NELL1: variants seen among roughly 807,000 people sequenced by gnomAD.
NELL1 encodes neural EGFL like 1.
NELL1 carries 76 observed loss-of-function variants against 107.4 expected under a neutral mutation model. The ratio of observed to expected loss-of-function variants is 0.71; its 90% CI spans 0.59 to 0.86. NELL1 has a LOEUF of 0.86. NELL1 is among the 40% of genes least tolerant of loss of function. The probability of loss-of-function intolerance (pLI) is 0.00; values close to 1 mark genes in which losing one functional copy is unlikely to be tolerated. For missense variants in NELL1, 1,024 were observed against 1,005.5 expected, an observed-to-expected ratio of 1.02 and a Z score of -0.25; for synonymous variants, 353 against 341.2, an observed-to-expected ratio of 1.03 and a Z score of -0.38.
intron 15 of NELL1, among the ~76,000 whole-genome samples, chr11:21,488,560 A>G (rs1327924395): frequency 6.6e-6 from 1 of 152,172 alleles, no homozygotes; most frequent in Non-Finnish European, 1.5e-5. Context: ...CAGGTGGGCC[A>G]GTCTTCGGGT....
intron 13 of NELL1, among the ~76,000 whole-genome samples, chr11:21,214,277 G>T (rs1857566306): frequency 6.6e-6 from 1 of 152,086 alleles, no homozygotes; most frequent in South Asian, 2.1e-4. Flanking sequence ...TTGAATTTTG[G>T]AGCAATTCAG....
chr11:21,564,383 A>T (rs2134005963), intron 17 of NELL1, among the ~76,000 whole-genome samples: 1 of 152,072 alleles, frequency 6.6e-6, no homozygotes, highest in Admixed American at 6.6e-5. Context: ...TGGGCAAAAA[A>T]AAGCTCCTGA....
intron 12 of NELL1, among the ~76,000 whole-genome samples, chr11:21,039,330 C>A (rs958656526): frequency 1.3e-5 from 2 of 152,148 alleles, no homozygotes; most frequent in Middle Eastern, 3.4e-3. Flanking sequence ...GGATTACAAG[C>A]ATGTATCACA....
intron 14 of NELL1, among the ~76,000 whole-genome samples, chr11:21,329,225 C>T (rs975392378): frequency 2.6e-5 from 4 of 152,084 alleles, no homozygotes; most frequent in African/African-American, 9.7e-5. Flanking sequence ...AGGGCAGTTA[C>T]CCTCATGCTG....
chr11:21,573,465 C>G (rs1372499491), intron 19 of NELL1, 56 bp downstream of exon 19: 1 of 1,466,032 alleles, frequency 6.8e-7, no homozygotes, highest in Non-Finnish European at 9.5e-7. Flanking sequence ...AGAACACTTG[C>G]AGGAGGTCCA....
chr11:20,783,660 C>T lies in NELL1; in HGVS notation c.185-20C>T. 1 of 1,603,220 alleles carries T rather than the reference C, an allele frequency of 6.2e-7. No individual in the cohort carries two copies. Among genetic ancestry groups the T allele is most frequent in the Non-Finnish European group, 8.5e-7 (1 of 1,172,656 alleles). On this transcript the variant is annotated intron_variant, in intron 2 of 19. Coordinates refer to ENST00000357134, the MANE Select transcript of NELL1 (RefSeq NM_006157.5). Reference sequence around the variant, plus strand: ...TCTTCTCCTCTCCTGTTTCCTCCTGCTTTTCTTCTTGATTCCTAGACATAG... The same window carrying T: ...TCTTCTCCTCTCCTGTTTCCTCCTGTTTTTCTTCTTGATTCCTAGACATAG...
At chr11:21,069,723 A>T (rs1202178161) in intron 12 of NELL1, among the ~76,000 whole-genome samples, 1 of 152,118 alleles carries the variant, frequency 6.6e-6, no homozygotes, top group Non-Finnish European at 1.5e-5. Context: ...TCTTGACTGA[A>T]ATGATTGTGA....
At chr11:20,847,471 T>G in intron 3 of NELL1, 112 bp from the exon 4 acceptor site, 5 of 1,106,154 alleles carry the variant, frequency 4.5e-6, no homozygotes, top group South Asian at 1.7e-5. Context: ...CTTTGTGCCA[T>G]GTTTAGCTAA....
chr11:21,540,867 TA>T (rs1007920913), intron 16 of NELL1, among the ~76,000 whole-genome samples: 1 of 152,026 alleles, frequency 6.6e-6, no homozygotes, highest in African/African-American at 2.4e-5. Flanking sequence ...TGAAGTCATT[TA>T]AAAAAAGACT....
At chr11:21,213,489 A>G (rs1317473921) in intron 13 of NELL1, among the ~76,000 whole-genome samples, 2 of 152,044 alleles carry the variant, frequency 1.3e-5, no homozygotes, top group African/African-American at 4.8e-5. Context: ...GAATCGACTG[A>G]ATCAATTGAA....
intron 12 of NELL1, among the ~76,000 whole-genome samples, chr11:21,011,463 T>C (rs1852444966): frequency 6.6e-6 from 1 of 152,148 alleles, no homozygotes; most frequent in African/African-American, 2.4e-5. Flanking sequence ...ATACTGTACC[T>C]GAGTTTCCTA....
Position 21,220,653 on chromosome 11 carries a change from G to A in NELL1, c.1427-8679G>A, listed in dbSNP as rs190573960. Among the ~76,000 whole-genome samples, 70 of 151,828 alleles carry A rather than the reference G, an allele frequency of 4.6e-4. 1 individual carries two copies. In the South Asian group the frequency reaches 5.8e-3, roughly 13 times the overall value. On this transcript the variant is annotated intron_variant, in intron 13 of 19. Coordinates refer to ENST00000357134, the MANE Select transcript of NELL1 (RefSeq NM_006157.5). ...CTATTGTAAATGCATTTGCATTCTTGATTTCTTTTTCAGCTAGTTTGTTGC... is the reference window on the plus strand; with the variant it reads ...CTATTGTAAATGCATTTGCATTCTTAATTTCTTTTTCAGCTAGTTTGTTGC...
At chr11:21,161,659 C>T (rs1249358069) in intron 13 of NELL1, among the ~76,000 whole-genome samples, 4 of 152,020 alleles carry the variant, frequency 2.6e-5, no homozygotes, top group Non-Finnish European at 5.9e-5. Context: ...ATTTTATTAA[C>T]CAAATTTTTT....
intron 12 of NELL1, among the ~76,000 whole-genome samples, chr11:21,063,089 C>A (rs182629819): frequency 1.5e-5 from 1 of 65,214 alleles, no homozygotes; most frequent in Non-Finnish European, 3.4e-5. Context: ...CTCCAGTGAT[C>A]CCCCTGCCTC....
At chr11:20,777,879 T>G (rs1012737918) in intron 2 of NELL1, among the ~76,000 whole-genome samples, 3 of 152,194 alleles carry the variant, frequency 2.0e-5, no homozygotes, top group Admixed American at 6.5e-5. Context: ...TTGCTGATTC[T>G]TCGCTGTGAA....
At chr11:21,077,601 G>A (rs1393102099) in intron 12 of NELL1, among the ~76,000 whole-genome samples, 3 of 152,012 alleles carry the variant, frequency 2.0e-5, no homozygotes, top group African/African-American at 4.8e-5. Flanking sequence ...AAATTACCCT[G>A]GCGTGGTGGC....
intron 13 of NELL1, among the ~76,000 whole-genome samples, chr11:21,176,115 C>T (rs747493186): frequency 6.6e-5 from 10 of 151,734 alleles, no homozygotes; most frequent in African/African-American, 1.5e-4. Flanking sequence ...CTTCTTCATG[C>T]GTTGCTGTGA....
At chr11:21,063,211 A>C (rs879524072) in intron 12 of NELL1, among the ~76,000 whole-genome samples, 18 of 152,086 alleles carry the variant, frequency 1.2e-4, no homozygotes, top group Non-Finnish European at 2.1e-4. Context: ...ACAGAAGGTG[A>C]GTTCTGGGAG....
chr11:20,868,544 T>A (rs1313206006), intron 4 of NELL1, among the ~76,000 whole-genome samples: 1 of 152,180 alleles, frequency 6.6e-6, no homozygotes, highest in Non-Finnish European at 1.5e-5. Context: ...AATTTTTTGT[T>A]ATAAACATCA....
Sources: gnomAD v4.1 joint callset for allele counts (sites outside exome capture counted in the v4.1 genomes callset) on GRCh38, gnomAD v4.1.1 for gene constraint, MANE v1.5 for transcripts, NCBI Gene and HGNC (gene_info 2026-07-23, HGNC 2026-07-21) for gene names.